The following LDLRAD3 variants were observed in gnomAD, a reference collection of about 807,000 sequenced individuals.
The protein encoded by LDLRAD3 is low density lipoprotein receptor class A domain containing 3, also known as low-density lipoprotein receptor class A domain-containing protein 3.
A neutral mutation model predicts 29.4 loss-of-function variants in LDLRAD3; 20 were observed. The ratio of observed to expected loss-of-function variants is 0.68; its 90% CI spans 0.48 to 0.99. LDLRAD3 has a LOEUF of 0.99. Ranked by LOEUF, LDLRAD3 falls within the 50% of genes least tolerant of loss-of-function variation. LDLRAD3 has a pLI of 0.00. For missense variants in LDLRAD3, 420 were observed against 454.3 expected, an observed-to-expected ratio of 0.92 and a Z score of 0.69; for synonymous variants, 157 against 192.7, an observed-to-expected ratio of 0.81 and a Z score of 1.53.
rs543035243 is a variant in LDLRAD3, at chr11:36,098,352, C to T, written c.345C>T (p.Thr115=). 59 of 1,614,164 alleles carry T rather than the reference C, an allele frequency of 3.7e-5. No homozygotes were observed. The South Asian group carries it at 3.8e-4, about 11-fold the overall frequency. ...CAGCAAACCCTCTGCTTTGCTCCACCGCCCGCTACCACTGCAAGAACGGCC... is the reference window on the plus strand; with the variant it reads ...CAGCAAACCCTCTGCTTTGCTCCACTGCCCGCTACCACTGCAAGAACGGCC... ...NCTANPLLCS[T]ARYHCKNGLC... Residue 115 remains threonine (T), a synonymous_variant, in exon 4 of 6, where the codon ACC becomes ACT. Transcript: ENST00000315571.
intron 4 of LDLRAD3, among the ~76,000 whole-genome samples, chr11:36,200,344 G>T (rs2133373764): frequency 6.6e-6 from 1 of 152,198 alleles, no homozygotes; most frequent in Middle Eastern, 3.4e-3. Context: ...GCACTCCGGT[G>T]TTCCCTCTTC....
At position 36,213,157 on chromosome 11, in the gene LDLRAD3, G is replaced by A. The variant is rs1855306688; in HGVS notation, c.455-13928G>A. On this transcript the variant is annotated intron_variant, in intron 4 of 5. Coordinates refer to ENST00000315571, the MANE Select transcript of LDLRAD3 (RefSeq NM_174902.4). The surrounding 1 kb of genome is among the most constrained non-coding windows in gnomAD (Gnocchi z 4.1). ...CTCTCATTTTGAATTTAATCCTCGGGCACTTGTCTCCCAGCTCTCAATGGT... is the reference window on the plus strand; with the variant it reads ...CTCTCATTTTGAATTTAATCCTCGGACACTTGTCTCCCAGCTCTCAATGGT... Among the ~76,000 whole-genome samples, 1 of 150,934 alleles carries A rather than the reference G, an allele frequency of 6.6e-6. No individual in the cohort carries two copies. Among genetic ancestry groups the A allele is most frequent in the African/African-American group, 2.4e-5 (1 of 40,964 alleles).
At chr11:36,165,425 AG>A (rs919369713) in intron 4 of LDLRAD3, among the ~76,000 whole-genome samples, 7 of 151,820 alleles carry the variant, frequency 4.6e-5, no homozygotes, top group Non-Finnish European at 1.0e-4. Flanking sequence ...GAACACCTTT[AG>A]GGCCCATTAC....
chr11:36,065,322 A>G (rs1167182675), intron 2 of LDLRAD3, among the ~76,000 whole-genome samples: 8 of 152,208 alleles, frequency 5.3e-5, no homozygotes, highest in Non-Finnish European at 1.2e-4. Context: ...TGATATTAGT[A>G]TAGCCACTTA....
chr11:36,153,310 A>G (rs1590313997), intron 4 of LDLRAD3, among the ~76,000 whole-genome samples: 5 of 152,274 alleles, frequency 3.3e-5, no homozygotes, highest in Admixed American at 3.3e-4. Context: ...ATGCCACCTA[A>G]CATTGCTGCA....
intron 1 of LDLRAD3, among the ~76,000 whole-genome samples, chr11:36,034,618 C>T (rs1041509621): frequency 2.0e-5 from 3 of 152,108 alleles, no homozygotes; most frequent in Non-Finnish European, 2.9e-5. Flanking sequence ...GCAACAAGGC[C>T]GGTGGGGTGT....
At chr11:36,201,180 A>G (rs1313055554) in intron 4 of LDLRAD3, among the ~76,000 whole-genome samples, 1 of 152,194 alleles carries the variant, frequency 6.6e-6, no homozygotes, top group East Asian at 1.9e-4. Context: ...CTGGAGATGT[A>G]ATTTCTGAAG....
At chr11:36,139,600 T>C (rs1380900826) in intron 4 of LDLRAD3, among the ~76,000 whole-genome samples, 1 of 152,222 alleles carries the variant, frequency 6.6e-6, no homozygotes, top group Non-Finnish European at 1.5e-5. Flanking sequence ...AGGAAAGATA[T>C]CTGAGGCTCA....
intron 4 of LDLRAD3, among the ~76,000 whole-genome samples, chr11:36,210,516 C>T (rs566309599): frequency 6.6e-6 from 1 of 151,998 alleles, no homozygotes; most frequent in Non-Finnish European, 1.5e-5. Flanking sequence ...TTTGAATCCT[C>T]CACAGCCCGA....
At chr11:36,192,049 A>C (rs1296672434) in intron 4 of LDLRAD3, among the ~76,000 whole-genome samples, 1 of 152,228 alleles carries the variant, frequency 6.6e-6, no homozygotes, top group East Asian at 1.9e-4. Context: ...GTAAGCTTTC[A>C]AAAGAGCTAA....
At chr11:36,092,103 A>AATCTATCTGAGACGTATCGAATCTTGG (rs1853291259) in intron 3 of LDLRAD3, among the ~76,000 whole-genome samples, 1 of 152,190 alleles carries the variant, frequency 6.6e-6, no homozygotes, top group Admixed American at 6.5e-5. Flanking sequence ...CAGCAACAGG[A>AATCTATCTGAGACGTATCGAATCTTGG]ATCTATCTGA....
chr11:36,183,980 T>TTC (rs768247151), intron 4 of LDLRAD3: 6 of 311,338 alleles, frequency 1.9e-5, no homozygotes, highest in South Asian at 2.5e-5. Context: ...TTTTTTTTTT[T>TTC]CCCGAGATGG....
At chr11:36,198,642 C>A (rs1323513533) in intron 4 of LDLRAD3, among the ~76,000 whole-genome samples, 1 of 152,198 alleles carries the variant, frequency 6.6e-6, no homozygotes, top group Admixed American at 6.5e-5. Flanking sequence ...TTCACTCTCA[C>A]CTGACAGCTC....
intron 1 of LDLRAD3, among the ~76,000 whole-genome samples, chr11:36,004,286 G>A (rs1238134804): frequency 6.6e-6 from 1 of 152,160 alleles, no homozygotes; most frequent in African/African-American, 2.4e-5. Context: ...ACAGGTATAG[G>A]GTGAATGCTT....
Position 36,070,569 on chromosome 11 carries a change from C to T in LDLRAD3, c.194-11084C>T, listed in dbSNP as rs577867166. On this transcript the variant is annotated intron_variant, in intron 2 of 5. Transcript: ENST00000315571. ...GGCTGTGTAGCCATGATTCTTGGAG[C>T]GGCAATAACATCAGGAAGAAAGGAA... Among the ~76,000 whole-genome samples the T allele has an allele frequency of 5.9e-5, 9 of 152,174 alleles. No individual in the cohort carries two copies. In the South Asian group the frequency reaches 1.0e-3, roughly 18 times the overall value.
intron 1 of LDLRAD3, among the ~76,000 whole-genome samples, chr11:36,008,631 A>G (rs1851916813): frequency 6.6e-6 from 1 of 152,226 alleles, no homozygotes. Flanking sequence ...GCCTGTGTCA[A>G]TTCCTAGTAA....
At chr11:35,950,537 G>A (rs2133124471) in intron 1 of LDLRAD3, among the ~76,000 whole-genome samples, 1 of 152,192 alleles carries the variant, frequency 6.6e-6, no homozygotes, top group East Asian at 1.9e-4. Context: ...GTATGTGTAT[G>A]TCTGTGTATA....
chr11:36,097,951 A>G (rs1489808186), intron 3 of LDLRAD3, among the ~76,000 whole-genome samples: 1 of 152,262 alleles, frequency 6.6e-6, no homozygotes, highest in Non-Finnish European at 1.5e-5. Context: ...AGCCTGGTCT[A>G]AAAGTTAATG....
intron 2 of LDLRAD3, among the ~76,000 whole-genome samples, chr11:36,076,640 C>A (rs1056811245): frequency 6.6e-6 from 1 of 152,184 alleles, no homozygotes; most frequent in South Asian, 2.1e-4. Context: ...CCCACCTCGG[C>A]CTCCCAAAGT....
Sources: allele counts gnomAD v4.1 joint callset (sites outside exome capture counted in the v4.1 genomes callset), GRCh38; gene constraint gnomAD v4.1.1; non-coding constraint Gnocchi (gnomAD v3.1); transcripts MANE v1.5; gene names NCBI Gene and HGNC (gene_info 2026-07-23, HGNC 2026-07-21).